The following LYZL4 variants were observed in gnomAD, a reference collection of about 807,000 sequenced individuals.
LYZL4 encodes the protein lysozyme like 4, also known as lysozyme-like protein 4.
A neutral mutation model predicts 17.6 loss-of-function variants in LYZL4; 13 were observed. The observed-to-expected ratio is 0.74, with a 90% CI of 0.48 to 1.18. The LOEUF is 1.18. Ranked by LOEUF, LYZL4 falls within the 50% of genes most tolerant of loss-of-function variation. The pLI is 0.00. For missense variants in LYZL4, 174 were observed against 188.2 expected (o/e 0.92, Z 0.44); for synonymous variants, 64 against 67.7 (o/e 0.95, Z 0.27).
chr3:42,390,847 G>A, the LYZL4 span, among the ~76,000 whole-genome samples: 61 of 152,330 alleles, frequency 4.0e-4, no homozygotes, highest in Non-Finnish European at 7.1e-4. Flanking sequence ...CCTTGGGTCA[G>A]TGAGTTACTT....
chr3:42,400,142 T>A (rs1164308936), intron 4 of LYZL4, among the ~76,000 whole-genome samples: 2 of 152,130 alleles, frequency 1.3e-5, no homozygotes, highest in Non-Finnish European at 1.5e-5. Context: ...GGCACATGAT[T>A]TATAGTAAGG....
At chr3:42,403,242 G>C (rs1419523872) in intron 4 of LYZL4, among the ~76,000 whole-genome samples, 1 of 150,322 alleles carries the variant, frequency 6.7e-6, no homozygotes, top group Non-Finnish European at 1.5e-5. Context: ...GACAAAAGAA[G>C]ATAAGACAAA....
intron 1 of LYZL4, among the ~76,000 whole-genome samples, chr3:42,409,375 G>T (rs1698822012): frequency 6.6e-6 from 1 of 152,148 alleles, no homozygotes; most frequent in Non-Finnish European, 1.5e-5. Flanking sequence ...TGTACATTGT[G>T]CACATGTACC....
chr3:42,391,944 A>C, the LYZL4 span, among the ~76,000 whole-genome samples: 1 of 151,116 alleles, frequency 6.6e-6, no homozygotes, highest in African/African-American at 2.4e-5. Flanking sequence ...GTGCGATCTC[A>C]CTACAACCTC....
chr3:42,362,725 T>G, the LYZL4 span, among the ~76,000 whole-genome samples: 1 of 152,158 alleles, frequency 6.6e-6, no homozygotes, highest in African/African-American at 2.4e-5. Flanking sequence ...AGGTTTCAAT[T>G]TATGAATTTT....
downstream of LYZL4, among the ~76,000 whole-genome samples, chr3:42,395,386 T>C (rs938215027): frequency 6.6e-6 from 1 of 152,150 alleles, no homozygotes; most frequent in African/African-American, 2.4e-5. Flanking sequence ...TTAAAAATGG[T>C]GCTAGGATCC....
At chr3:42,402,461 A>T (rs1698674894) in intron 4 of LYZL4, among the ~76,000 whole-genome samples, 2 of 152,188 alleles carry the variant, frequency 1.3e-5, no homozygotes, top group Admixed American at 1.3e-4. Context: ...TAAGAAAAAG[A>T]CAGCACAATA....
chr3:42,366,542 A>G, the LYZL4 span, among the ~76,000 whole-genome samples: 7 of 151,974 alleles, frequency 4.6e-5, no homozygotes, highest in Non-Finnish European at 1.0e-4. Context: ...TCCTCCTTAC[A>G]TCTTGACTCC....
At chr3:42,377,633 G>C in the LYZL4 span, among the ~76,000 whole-genome samples, 5 of 87,610 alleles carry the variant, frequency 5.7e-5, no homozygotes, top group South Asian at 7.0e-4. Context: ...CTCTGTGTGT[G>C]TGTGTGTGTG....
At chr3:42,394,745 T>C (rs1032351716), downstream of LYZL4, among the ~76,000 whole-genome samples, 6 of 152,150 alleles carry the variant, frequency 3.9e-5, no homozygotes, top group African/African-American at 1.4e-4. Context: ...TACACTAACA[T>C]TTGCTTTGTC....
downstream of LYZL4, among the ~76,000 whole-genome samples, chr3:42,393,937 A>G (rs1052795262): frequency 6.6e-6 from 1 of 152,120 alleles, no homozygotes; most frequent in African/African-American, 2.4e-5. Flanking sequence ...GACTATAGGC[A>G]TCCACCACCA....
At chr3:42,389,056 G>T in the LYZL4 span, among the ~76,000 whole-genome samples, 1 of 152,308 alleles carries the variant, frequency 6.6e-6, no homozygotes, top group South Asian at 2.1e-4. Context: ...AGTGCAAATG[G>T]CCAAGACATT....
chr3:42,362,933 C>T, the LYZL4 span, among the ~76,000 whole-genome samples: 1 of 152,168 alleles, frequency 6.6e-6, no homozygotes, highest in African/African-American at 2.4e-5. Context: ...CTACATATCT[C>T]CTGAAAGATG....
At chr3:42,401,336 G>T (rs1409944078) in intron 4 of LYZL4, among the ~76,000 whole-genome samples, 1 of 151,820 alleles carries the variant, frequency 6.6e-6, no homozygotes, top group African/African-American at 2.4e-5. Context: ...TCAGCCTCCC[G>T]AGTGGCTGGG....
chr3:42,367,709 T>C, the LYZL4 span, among the ~76,000 whole-genome samples: 3 of 152,228 alleles, frequency 2.0e-5, no homozygotes, highest in African/African-American at 7.2e-5. Context: ...TGAGGGGCTT[T>C]CTTGAATGAT....
At chr3:42,371,072 C>T in the LYZL4 span, among the ~76,000 whole-genome samples, 1 of 152,160 alleles carries the variant, frequency 6.6e-6, no homozygotes, top group Admixed American at 6.5e-5. Context: ...ACTGCTGAGT[C>T]CTGTGAATCT....
chr3:42,403,103 A>G lies in LYZL4; in HGVS notation c.371+943T>C, dbSNP rs150877589. On this transcript the variant is annotated intron_variant, in intron 4 of 4. Transcript: ENST00000287748. ...AAAAATCAGTTAATGTACCAAATACACAAAGAGCTCTTTCAAATAATATAA... is the reference window on the plus strand; with the variant it reads ...AAAAATCAGTTAATGTACCAAATACGCAAAGAGCTCTTTCAAATAATATAA... 6.3e-3 allele frequency among the ~76,000 whole-genome samples: 956 copies of G among 152,380 alleles called. 6 individuals are homozygous for G. Among genetic ancestry groups the G allele is most frequent in the African/African-American group, 0.017 (698 of 41,588 alleles).
rs1206923291 is a variant in LYZL4, at chr3:42,397,302, T to C, written c.404A>G (p.Asp135Gly). The change falls in exon 5 of 5, where the codon GAT (aspartate) becomes GGT (glycine). Residue 135 changes from aspartate (D) to glycine (G), a missense_variant. Coordinates refer to ENST00000287748, the MANE Select transcript of LYZL4 (RefSeq NM_144634.4). ...ACCATCCAGCCACCGTGCCAGGGTA[T>C]CGGAGTACTGGCAGTACCGGGACCA... ...PTWSRYCQYS[D>G]TLARWLDGCK... 1.3e-6 allele frequency: 2 copies of C among 1,572,950 alleles called. No individual in the cohort carries two copies. The highest frequency in any genetic ancestry group is 2.7e-5 in the African/African-American group (2 of 73,944).
At chr3:42,360,797 G>A in the LYZL4 span, among the ~76,000 whole-genome samples, 2 of 151,216 alleles carry the variant, frequency 1.3e-5, no homozygotes, top group Non-Finnish European at 2.9e-5. Context: ...TTTTACTCTT[G>A]GAATATTTTT....
Sources: allele counts gnomAD v4.1 joint callset (sites outside exome capture counted in the v4.1 genomes callset), GRCh38; gene constraint gnomAD v4.1.1; transcripts MANE v1.5; gene names NCBI Gene and HGNC (gene_info 2026-07-23, HGNC 2026-07-21).